Variants in HAPSTR1 observed in about 807,000 individuals in gnomAD.
HAPSTR1 encodes HUWE1-associated protein modifying stress responses 1.
the HAPSTR1 span, chr16:9,109,689 G>A: frequency 6.6e-6 from 1 of 152,234 alleles, no homozygotes; most frequent in Admixed American, 6.5e-5. Context: ...CCAATTGTAA[G>A]TTCCTTTCAT....
At chr16:9,104,028 T>G in the HAPSTR1 span, 2 of 151,966 alleles carry the variant, frequency 1.3e-5, no homozygotes, top group African/African-American at 4.8e-5. Context: ...AACAGAATAA[T>G]AAGACTTGCT....
chr16:9,113,286 C>T, the HAPSTR1 span: 3 of 152,106 alleles, frequency 2.0e-5, no homozygotes, highest in African/African-American at 7.2e-5. Flanking sequence ...CTATGAGAGT[C>T]AGTCATAGAT....
At chr16:9,098,309 G>T in the HAPSTR1 span, among the ~76,000 whole-genome samples, 25 of 152,266 alleles carry the variant, frequency 1.6e-4, no homozygotes, top group Middle Eastern at 3.4e-3. Flanking sequence ...CTCCAGCCTG[G>T]GCAGCAAGAG....
the HAPSTR1 span, among the ~76,000 whole-genome samples, chr16:9,114,580 T>A: frequency 6.6e-6 from 1 of 151,910 alleles, no homozygotes; most frequent in African/African-American, 2.4e-5. Context: ...ATGTTGGTAG[T>A]CGGGATACGG....
the HAPSTR1 span, chr16:9,106,624 G>A: frequency 6.6e-6 from 1 of 151,978 alleles, no homozygotes; most frequent in South Asian, 2.1e-4. Context: ...TTAGTGGTTA[G>A]CAAGGCTTAA....
chr16:9,112,455 C>A, the HAPSTR1 span: 1 of 152,298 alleles, frequency 6.6e-6, no homozygotes, highest in East Asian at 1.9e-4. Flanking sequence ...GTCTTCTCAC[C>A]TCCAGGGCTA....
the HAPSTR1 span, among the ~76,000 whole-genome samples, chr16:9,096,256 T>C: frequency 6.6e-6 from 1 of 152,236 alleles, no homozygotes; most frequent in Non-Finnish European, 1.5e-5. Context: ...GTGTTGGTGG[T>C]CAAGTTTTAA....
At chr16:9,099,223 G>A in the HAPSTR1 span, among the ~76,000 whole-genome samples, 2 of 151,044 alleles carry the variant, frequency 1.3e-5, no homozygotes, top group Non-Finnish European at 2.9e-5. Context: ...TTTTGAGATG[G>A]AGTCTTGCGT....
chr16:9,103,239 G>T, the HAPSTR1 span: 1 of 1,613,934 alleles, frequency 6.2e-7, no homozygotes, highest in Non-Finnish European at 8.5e-7. Flanking sequence ...CAACCCTTCC[G>T]GGAAGCCATA....
chr16:9,119,387 T>C, the HAPSTR1 span: 1 of 152,228 alleles, frequency 6.6e-6, no homozygotes, highest in Non-Finnish European at 1.5e-5. Flanking sequence ...ATTTAAAAAC[T>C]AGACAGTTTA....
At chr16:9,114,376 G>A in the HAPSTR1 span, among the ~76,000 whole-genome samples, 1 of 152,166 alleles carries the variant, frequency 6.6e-6, no homozygotes, top group Non-Finnish European at 1.5e-5. Context: ...CAATTTCAAG[G>A]AGGGGGAAAG....
chr16:9,096,357 G>A, the HAPSTR1 span, among the ~76,000 whole-genome samples: 1 of 151,840 alleles, frequency 6.6e-6, no homozygotes, highest in East Asian at 1.9e-4. Context: ...AATTTTTTTT[G>A]TGTTGAAATA....
the HAPSTR1 span, chr16:9,105,657 T>A: frequency 1.4e-5 from 2 of 140,178 alleles, no homozygotes; most frequent in Admixed American, 6.7e-5. Flanking sequence ...ACACCATAGT[T>A]AGGGTAAATA....
the HAPSTR1 span, chr16:9,116,894 A>G: frequency 8.1e-6 from 13 of 1,613,920 alleles, no homozygotes; most frequent in African/African-American, 1.7e-4. Flanking sequence ...CAACCCATAA[A>G]CGCAACAGAA....
chr16:9,118,980 A>G, the HAPSTR1 span: 3 of 152,678 alleles, frequency 2.0e-5, no homozygotes, highest in African/African-American at 7.2e-5. Flanking sequence ...TTTTGATAAA[A>G]CGTGCCATTT....
At chr16:9,108,075 C>G in the HAPSTR1 span, 2 of 152,218 alleles carry the variant, frequency 1.3e-5, no homozygotes, top group South Asian at 4.1e-4. Flanking sequence ...ACATGGTAAT[C>G]TTGAATTAGA....
At chr16:9,097,240 C>CTT in the HAPSTR1 span, among the ~76,000 whole-genome samples, 861 of 140,692 alleles carry the variant, frequency 6.1e-3, 9 homozygotes, top group African/African-American at 0.015. Flanking sequence ...GCGCCTGGCT[C>CTT]TTTTTTTTTT....
chr16:9,093,020 C>T, the HAPSTR1 span: 22 of 1,601,184 alleles, frequency 1.4e-5, no homozygotes, highest in East Asian at 2.2e-5. Flanking sequence ...AACCTTGCTG[C>T]ATTGCCGATT....
At chr16:9,102,561 T>G in the HAPSTR1 span, among the ~76,000 whole-genome samples, 1 of 152,264 alleles carries the variant, frequency 6.6e-6, no homozygotes, top group African/African-American at 2.4e-5. Context: ...TGCCTTCAGC[T>G]TGTTCCTCAT....
Sources: allele counts gnomAD v4.1 joint callset (sites outside exome capture counted in the v4.1 genomes callset), GRCh38; gene constraint gnomAD v4.1.1; transcripts MANE v1.5; gene names NCBI Gene and HGNC (gene_info 2026-07-23, HGNC 2026-07-21).